The following RAD51B variants were observed in gnomAD, a reference collection of about 807,000 sequenced individuals.
RAD51B encodes RAD51 paralog B.
Under a neutral mutation model 42.2 loss-of-function variants are expected in RAD51B, and 38 were observed. The observed-to-expected ratio is 0.90, with a 90% CI of 0.70 to 1.18. The LOEUF (loss-of-function observed/expected upper bound fraction) is 1.18, where lower values mean the gene tolerates loss of function less well. RAD51B is among the 50% of genes most tolerant of loss of function. The pLI is 0.00. For missense variants in RAD51B, 373 were observed against 400.7 expected, an observed-to-expected ratio of 0.93 and a Z score of 0.59; for synonymous variants, 154 against 145.2, an observed-to-expected ratio of 1.06 and a Z score of -0.43.
At chr14:67,994,912 A>G (rs984898301) in intron 7 of RAD51B, among the ~76,000 whole-genome samples, 5 of 152,254 alleles carry the variant, frequency 3.3e-5, no homozygotes, top group Non-Finnish European at 7.3e-5. Flanking sequence ...TGGTGTATAA[A>G]TATAATTGAA....
chr14:68,611,112 A>G, exon 11 of RAD51B: 4 of 703,126 alleles, frequency 5.7e-6, no homozygotes, highest in Non-Finnish European at 7.8e-6. Flanking sequence ...TCAGAAAAAC[A>G]AGGAATCCCA....
chr14:68,660,513 G>A (rs1892910572), intron 11 of RAD51B, among the ~76,000 whole-genome samples: 1 of 152,202 alleles, frequency 6.6e-6, no homozygotes. Context: ...ACCTGGTCTT[G>A]CCCTTGAGGA....
chr14:68,186,085 C>T lies in RAD51B; in HGVS notation c.757-105799C>T, dbSNP rs2079152553. Among the ~76,000 whole-genome samples, 2 of 152,160 alleles carry T rather than the reference C, an allele frequency of 1.3e-5. 1 individual carries two copies. The highest frequency in any genetic ancestry group is 4.1e-4 in the South Asian group (2 of 4,822). ...ACACCTACAGATGTCTAATCTTCAA[C>T]AAAGCTGACAAAAATAAGCAATGGG... On this transcript the variant is annotated intron_variant, in intron 7 of 10. Transcript: ENST00000471583.
intron 8 of RAD51B, among the ~76,000 whole-genome samples, chr14:68,356,753 G>A (rs1032332947): frequency 8.6e-5 from 13 of 151,452 alleles, no homozygotes; most frequent in Admixed American, 3.9e-4. Context: ...AGGCCGAGGC[G>A]GGCGGATCAC....
chr14:68,356,475 C>T (rs2082905237), intron 8 of RAD51B, among the ~76,000 whole-genome samples: 1 of 150,702 alleles, frequency 6.6e-6, no homozygotes, highest in Non-Finnish European at 1.5e-5. Context: ...ACACTCTACT[C>T]TATTAAAAGT....
chr14:68,204,968 T>C (rs751078506), intron 7 of RAD51B, among the ~76,000 whole-genome samples: 18 of 152,184 alleles, frequency 1.2e-4, no homozygotes, highest in Non-Finnish European at 1.9e-4. Context: ...GAATGTATAG[T>C]ATGGTCCCCA....
At chr14:67,823,700 C>G (rs2040713504) in intron 2 of RAD51B, 73 bp downstream of exon 2, 1 of 1,121,934 alleles carries the variant, frequency 8.9e-7, no homozygotes, top group Non-Finnish European at 1.3e-6. Flanking sequence ...ACCTCTTAAA[C>G]TTGAAATATG....
At chr14:68,168,877 G>A (rs544475752) in intron 7 of RAD51B, among the ~76,000 whole-genome samples, 1 of 151,988 alleles carries the variant, frequency 6.6e-6, no homozygotes, top group Admixed American at 6.6e-5. Context: ...GAAATTGAGG[G>A]CATAATAGCC....
At chr14:67,900,441 A>G (rs2043571302) in intron 7 of RAD51B, among the ~76,000 whole-genome samples, 1 of 152,150 alleles carries the variant, frequency 6.6e-6, no homozygotes, top group Non-Finnish European at 1.5e-5. Flanking sequence ...TGAAGACACA[A>G]TACATGCTGT....
At chr14:67,865,241 C>CA in intron 5 of RAD51B, 102 bp downstream of exon 5, 10 of 879,910 alleles carry the variant, frequency 1.1e-5, no homozygotes, top group Non-Finnish European at 1.5e-5. Flanking sequence ...TCCCCCTTGC[C>CA]TTTTTTTTTT....
At chr14:68,276,401 C>T (rs556672420) in intron 7 of RAD51B, among the ~76,000 whole-genome samples, 38 of 152,214 alleles carry the variant, frequency 2.5e-4, no homozygotes, top group South Asian at 1.5e-3. Flanking sequence ...AGCTCATTTG[C>T]GTACTCATTT....
intron 10 of RAD51B, among the ~76,000 whole-genome samples, chr14:68,512,287 C>A (rs148587108): frequency 3.9e-5 from 6 of 152,180 alleles, no homozygotes; most frequent in African/African-American, 1.2e-4. Context: ...TGAGGGCTGG[C>A]GGGAACCCAG....
chr14:67,933,624 C>A (rs1281978503), intron 7 of RAD51B, among the ~76,000 whole-genome samples: 1 of 152,074 alleles, frequency 6.6e-6, no homozygotes, highest in African/African-American at 2.4e-5. Flanking sequence ...GATAATGAGT[C>A]CCTTGGGGCT....
downstream of RAD51B, among the ~76,000 whole-genome samples, chr14:68,480,980 G>C (rs1566907727): frequency 6.6e-6 from 1 of 152,184 alleles, no homozygotes; most frequent in Non-Finnish European, 1.5e-5. Context: ...CTCTTTGGGG[G>C]TAGTTCTGGA....
At chr14:67,856,025 A>G (rs1383946862) in intron 4 of RAD51B, among the ~76,000 whole-genome samples, 3 of 152,268 alleles carry the variant, frequency 2.0e-5, no homozygotes, top group Non-Finnish European at 1.5e-5. Context: ...TCTGCTCTGT[A>G]ATGGTTTACT....
intron 10 of RAD51B, chr14:68,541,741 T>G (rs1281100710): frequency 1.0e-6 from 1 of 985,314 alleles, no homozygotes; most frequent in Non-Finnish European, 1.2e-6. Flanking sequence ...TAGTAACAGC[T>G]GTTAGTATTT....
chr14:68,373,607 G>A (rs557443549), intron 8 of RAD51B, among the ~76,000 whole-genome samples: 6 of 152,142 alleles, frequency 3.9e-5, no homozygotes, highest in South Asian at 2.1e-4. Context: ...TTCATACACC[G>A]GGGCCTGTTG....
At chr14:68,681,263 C>T (rs1172558802) in intron 11 of RAD51B, among the ~76,000 whole-genome samples, 2 of 152,106 alleles carry the variant, frequency 1.3e-5, no homozygotes, top group African/African-American at 4.8e-5. Context: ...TAGGGTTTAT[C>T]AGAGGGTTTG....
intron 4 of RAD51B, among the ~76,000 whole-genome samples, chr14:67,837,877 A>G (rs1221594760): frequency 2.6e-5 from 4 of 152,200 alleles, no homozygotes; most frequent in Admixed American, 6.5e-5. Context: ...CTAAGGTGCT[A>G]TAGAAAACTA....
Sources: allele counts gnomAD v4.1 joint callset (sites outside exome capture counted in the v4.1 genomes callset), GRCh38; gene constraint gnomAD v4.1.1; transcripts MANE v1.5; gene names NCBI Gene and HGNC (gene_info 2026-07-23, HGNC 2026-07-21).